VPS13B: variants seen among roughly 807,000 people sequenced by gnomAD.
VPS13B encodes the protein vacuolar protein sorting 13 homolog B, also known as intermembrane lipid transfer protein VPS13B.
VPS13B carries 285 observed loss-of-function variants against 426.4 expected under a neutral mutation model. That is an observed-to-expected ratio of 0.67 (90% CI 0.61 to 0.74). VPS13B has a LOEUF of 0.74. VPS13B is among the 30% of genes least tolerant of loss of function. The pLI is 0.00. For synonymous variants in VPS13B, 1,676 were observed against 1,676.4 expected (o/e 1.00, Z 0.01); for missense variants, 4,537 against 4,782.6 (o/e 0.95, Z 1.51).
intron 21 of VPS13B, among the ~76,000 whole-genome samples, chr8:99,409,177 A>G (rs1201901893): frequency 1.3e-5 from 2 of 152,126 alleles, no homozygotes; most frequent in Non-Finnish European, 2.9e-5. Flanking sequence ...CTGATGACAT[A>G]TCATGAGTTC....
chr8:99,494,446 T>C (rs1470724803), intron 25 of VPS13B, among the ~76,000 whole-genome samples: 1 of 152,170 alleles, frequency 6.6e-6, no homozygotes, highest in Non-Finnish European at 1.5e-5. Flanking sequence ...AAGCATTTTA[T>C]TATTTTAGAT....
intron 2 of VPS13B, among the ~76,000 whole-genome samples, chr8:99,031,104 G>A (rs1415744186): frequency 3.9e-5 from 6 of 151,910 alleles, no homozygotes; most frequent in Non-Finnish European, 7.4e-5. Context: ...GATGATGTCA[G>A]GTGAAGATTT....
At chr8:99,083,350 A>G (rs1490158889) in intron 3 of VPS13B, among the ~76,000 whole-genome samples, 1 of 152,226 alleles carries the variant, frequency 6.6e-6, no homozygotes, top group East Asian at 1.9e-4. Flanking sequence ...GCTTAAGGAG[A>G]TTTTGGGTGA....
intron 56 of VPS13B, 55 bp downstream of exon 56, chr8:99,854,311 C>T (rs933169509): frequency 3.7e-5 from 58 of 1,571,050 alleles, no homozygotes; most frequent in Non-Finnish European, 4.7e-5. Context: ...AGAAATGACA[C>T]GCTTGGGGGT....
At chr8:99,164,275 C>T (rs1811861386) in intron 15 of VPS13B, among the ~76,000 whole-genome samples, 1 of 152,126 alleles carries the variant, frequency 6.6e-6, no homozygotes, top group South Asian at 2.1e-4. Flanking sequence ...AGATGGCTGC[C>T]ACAGGACCTA....
intron 36 of VPS13B, 71 bp downstream of exon 36, chr8:99,700,003 A>G: frequency 1.9e-6 from 3 of 1,543,896 alleles, no homozygotes; most frequent in Non-Finnish European, 2.6e-6. Flanking sequence ...AAAATGCATC[A>G]TTTTGAAGAT....
chr8:99,042,606 C>T (rs1231035995), intron 3 of VPS13B, among the ~76,000 whole-genome samples: 1 of 152,096 alleles, frequency 6.6e-6, no homozygotes, highest in African/African-American at 2.4e-5. Context: ...AGCACGGATT[C>T]CTTTCTTAAA....
intron 19 of VPS13B, among the ~76,000 whole-genome samples, chr8:99,351,646 T>C (rs1487145266): frequency 6.6e-6 from 1 of 152,122 alleles, no homozygotes; most frequent in African/African-American, 2.4e-5. Flanking sequence ...GCGTTTCATT[T>C]ATACTTATTC....
At chr8:99,864,589 A>C (rs1248354129) in intron 58 of VPS13B, among the ~76,000 whole-genome samples, 1 of 152,190 alleles carries the variant, frequency 6.6e-6, no homozygotes, top group African/African-American at 2.4e-5. Context: ...TTTTAAACCC[A>C]TGCCAGTGAA....
intron 28 of VPS13B, among the ~76,000 whole-genome samples, chr8:99,508,630 CCTCT>C (rs1821627970): frequency 6.6e-6 from 1 of 151,974 alleles, no homozygotes; most frequent in African/African-American, 2.4e-5. Context: ...GATTTATTTT[CCTCT>C]CTTTGAATGT....
chr8:99,575,927 G>A, intron 32 of VPS13B, 143 bp downstream of exon 32: 1 of 824,810 alleles, frequency 1.2e-6, no homozygotes, highest in Non-Finnish European at 1.9e-6. Context: ...TAACATTTAT[G>A]GAGCACTTTG....
At chr8:99,743,359 G>A (rs1374855345) in intron 39 of VPS13B, among the ~76,000 whole-genome samples, 3 of 151,708 alleles carry the variant, frequency 2.0e-5, no homozygotes, top group Non-Finnish European at 4.4e-5. Flanking sequence ...CATGCTCATG[G>A]GTAGGAAGAA....
chr8:99,067,349 T>C (rs950529477), intron 3 of VPS13B, among the ~76,000 whole-genome samples: 7 of 152,152 alleles, frequency 4.6e-5, no homozygotes, highest in African/African-American at 9.7e-5. Context: ...TGTAGGGACA[T>C]GGATGCAGCT....
intron 19 of VPS13B, among the ~76,000 whole-genome samples, chr8:99,286,763 G>C (rs1819464909): frequency 6.6e-6 from 1 of 152,102 alleles, no homozygotes; most frequent in Non-Finnish European, 1.5e-5. Context: ...CAGATGGCTA[G>C]GATATTTCTA....
intron 17 of VPS13B, among the ~76,000 whole-genome samples, chr8:99,218,679 A>G (rs1285259579): frequency 3.3e-5 from 5 of 152,190 alleles, no homozygotes; most frequent in African/African-American, 1.2e-4. Context: ...GTAATAGCTT[A>G]ATTGTTATGG....
At chr8:99,781,147 T>G (rs1192769384) in intron 42 of VPS13B, among the ~76,000 whole-genome samples, 3 of 152,200 alleles carry the variant, frequency 2.0e-5, no homozygotes, top group Admixed American at 1.3e-4. Flanking sequence ...AGTTCAAGAT[T>G]AACAGAAGCC....
In VPS13B at chr8:99,859,457, C is replaced by G; in HGVS notation, c.11021C>G (p.Ser3674Trp). Reference protein sequence around the residue: ...FVSGVSRGTTSFVKHISKGTL... With the variant: ...FVSGVSRGTTWFVKHISKGTL... ...AGTGGCGTCTCCAGAGGGACCACAT[C>G]GTTTGTAAAGCACATCTCCAAAGGT... The change falls in exon 57 of 62, where the codon TCG becomes TGG. Residue 3674 changes from serine (S) to tryptophan (W), a missense_variant. Physicochemically the swap from Ser to Trp is radical, Grantham distance 177. Coordinates refer to ENST00000357162, the MANE Select transcript of VPS13B (RefSeq NM_152564.5). 6.2e-7 allele frequency: 1 copy of G among 1,613,396 alleles called. No individual in the cohort carries two copies. Among genetic ancestry groups the G allele is most frequent in the Non-Finnish European group, 8.5e-7 (1 of 1,179,956 alleles).
intron 22 of VPS13B, among the ~76,000 whole-genome samples, chr8:99,434,046 G>A (rs575484377): frequency 4.7e-4 from 72 of 152,178 alleles, no homozygotes; most frequent in African/African-American, 1.5e-3. Context: ...GACCTCAGGC[G>A]ATCTGCCTGT....
chr8:99,295,454 C>T (rs1254599045), intron 19 of VPS13B, among the ~76,000 whole-genome samples: 1 of 152,164 alleles, frequency 6.6e-6, no homozygotes, highest in East Asian at 1.9e-4. Flanking sequence ...AACTCCTTGA[C>T]TTATGATGTT....
Sources: gnomAD v4.1 joint callset for allele counts (sites outside exome capture counted in the v4.1 genomes callset) on GRCh38, gnomAD v4.1.1 for gene constraint, MANE v1.5 for transcripts, NCBI Gene and HGNC (gene_info 2026-07-23, HGNC 2026-07-21) for gene names.